Variants in SIMC1 observed in about 807,000 individuals in gnomAD.
SIMC1 encodes the protein SUMO-interacting motif-containing protein 1.
Under a neutral mutation model 82.3 loss-of-function variants are expected in SIMC1, and 55 were observed. The ratio of observed to expected loss-of-function variants is 0.67; its 90% CI spans 0.54 to 0.84. The LOEUF (loss-of-function observed/expected upper bound fraction) is 0.84, where lower values mean the gene tolerates loss of function less well. Among genes scored for constraint, SIMC1 ranks in the 40% least tolerant of loss-of-function variants. The pLI, the probability that SIMC1 is intolerant of heterozygous loss-of-function variation, is 0.00. For synonymous variants in SIMC1, 353 were observed against 426.3 expected, an observed-to-expected ratio of 0.83 and a Z score of 2.12; for missense variants, 915 against 1,107.2, an observed-to-expected ratio of 0.83 and a Z score of 2.46.
chr5:176,277,893 G>A (rs1762789338), intron 1 of SIMC1, among the ~76,000 whole-genome samples: 2 of 151,092 alleles, frequency 1.3e-5, no homozygotes, highest in South Asian at 4.2e-4. Flanking sequence ...GATGCCTCCA[G>A]CTTTGTTCTT....
At chr5:176,344,468 TACACACACACACAC>T (rs57991528) in intron 9 of SIMC1, among the ~76,000 whole-genome samples, 52 of 146,646 alleles carry the variant, frequency 3.5e-4, no homozygotes, top group African/African-American at 9.7e-4. Context: ...GTCAGGAGTA[TACACACACACACAC>T]ACACACACAC....
chr5:176,242,609 G>A (rs1761311184), intron 1 of SIMC1, among the ~76,000 whole-genome samples: 1 of 151,786 alleles, frequency 6.6e-6, no homozygotes, highest in Non-Finnish European at 1.5e-5. Context: ...CTTGTAAGTG[G>A]ACCCATGCAG....
intron 9 of SIMC1, among the ~76,000 whole-genome samples, chr5:176,342,128 A>C (rs1766176730): frequency 6.6e-6 from 1 of 152,130 alleles, no homozygotes; most frequent in South Asian, 2.1e-4. Context: ...TATTCAGTCA[A>C]CTTTTTTTCC....
chr5:176,298,893 T>C (rs1273774361), intron 4 of SIMC1, among the ~76,000 whole-genome samples: 1 of 151,868 alleles, frequency 6.6e-6, no homozygotes, highest in Non-Finnish European at 1.5e-5. Context: ...AGGAAGGCAG[T>C]AACAAAGGAA....
chr5:176,322,933 T>C (rs965534484), intron 6 of SIMC1: 2 of 152,426 alleles, frequency 1.3e-5, no homozygotes, highest in African/African-American at 4.8e-5. Context: ...TCATGGCATT[T>C]CTTTTATGGA....
rs371838151 is a variant in SIMC1, at chr5:176,250,635, C to G, written c.129+11998C>G. Reference sequence around the variant, plus strand: ...GTCTGTAAGAACTTGCTTTATGAATCGGGATGCTCCTGTATTGGGTGCATA... The same window carrying G: ...GTCTGTAAGAACTTGCTTTATGAATGGGGATGCTCCTGTATTGGGTGCATA... On this transcript the variant is annotated intron_variant, in intron 1 of 9. Coordinates refer to ENST00000429602, the MANE Select transcript of SIMC1 (RefSeq NM_001308195.2). 6.6e-5 allele frequency among the ~76,000 whole-genome samples: 10 copies of G among 152,250 alleles called. No homozygotes were observed. In the South Asian group the frequency reaches 2.1e-3, roughly 32 times the overall value.
chr5:176,274,351 T>G (rs1310335134), intron 1 of SIMC1, among the ~76,000 whole-genome samples: 3 of 150,650 alleles, frequency 2.0e-5, no homozygotes, highest in African/African-American at 2.4e-5. Context: ...TTGATGGGGT[T>G]GTTTGTTTTT....
chr5:176,323,582 A>G lies in SIMC1; in HGVS notation c.2043-1047A>G, dbSNP rs116271794. Among the ~76,000 whole-genome samples, 562 of 152,330 alleles carry G rather than the reference A, an allele frequency of 3.7e-3. 3 individuals are homozygous for G. The highest frequency in any genetic ancestry group is 0.013 in the African/African-American group (534 of 41,584). ...GCAGTTTAGTAACTTGTCGAAGGTT[A>G]AACAGCTTATCATTGTAGAGACAGA... On this transcript the variant is annotated intron_variant, in intron 6 of 9. Transcript: ENST00000429602.
At chr5:176,271,970 A>G (rs1381199463) in intron 1 of SIMC1, among the ~76,000 whole-genome samples, 6 of 144,946 alleles carry the variant, frequency 4.1e-5, no homozygotes, top group African/African-American at 1.5e-4. Flanking sequence ...TATATAATGT[A>G]TATATTATAT....
At chr5:176,269,721 C>A (rs563426227) in intron 1 of SIMC1, among the ~76,000 whole-genome samples, 1 of 152,114 alleles carries the variant, frequency 6.6e-6, no homozygotes, top group Non-Finnish European at 1.5e-5. Flanking sequence ...TAGAAAATTA[C>A]AAATAAAAAT....
chr5:176,242,889 A>G (rs2560209), intron 1 of SIMC1, among the ~76,000 whole-genome samples: 2,159 of 151,934 alleles, frequency 0.014, 24 homozygotes, highest in Non-Finnish European at 0.019. Context: ...ATAGTAAACA[A>G]CACTATAAAT....
chr5:176,312,479 T>G (rs1258040769), intron 4 of SIMC1, among the ~76,000 whole-genome samples: 1 of 131,686 alleles, frequency 7.6e-6, no homozygotes, highest in Non-Finnish European at 1.5e-5. Context: ...GAGGTTACAG[T>G]GAGCCAAGAT....
chr5:176,269,926 AT>A (rs1175916569), intron 1 of SIMC1, among the ~76,000 whole-genome samples: 50 of 145,658 alleles, frequency 3.4e-4, no homozygotes, highest in Admixed American at 2.8e-4. Context: ...ATTTTATTTT[AT>A]TTTTTTTTTT....
intron 1 of SIMC1, among the ~76,000 whole-genome samples, chr5:176,246,587 G>A (rs1295560015): frequency 5.3e-5 from 8 of 151,880 alleles, no homozygotes; most frequent in African/African-American, 1.9e-4. Context: ...ACAGGCAAGC[G>A]CCACCATGCC....
intron 4 of SIMC1, among the ~76,000 whole-genome samples, chr5:176,303,030 T>C (rs939422471): frequency 5.3e-5 from 8 of 151,934 alleles, no homozygotes; most frequent in Non-Finnish European, 4.4e-5. Flanking sequence ...CAGCATTTCT[T>C]TTTTTTTGTA....
chr5:176,324,160 C>T (rs964051462), intron 6 of SIMC1, among the ~76,000 whole-genome samples: 33 of 151,876 alleles, frequency 2.2e-4, no homozygotes, highest in African/African-American at 7.3e-4. Context: ...GTTCTGAGAC[C>T]GAACTTAGTA....
chr5:176,336,604 A>T, intron 7 of SIMC1, 116 bp from the exon 8 acceptor site: 2 of 1,370,616 alleles, frequency 1.5e-6, no homozygotes, highest in East Asian at 4.6e-5. Flanking sequence ...CTTCCATGGT[A>T]TTCCTTCTTA....
At chr5:176,291,782 A>C (rs1455295310) in intron 2 of SIMC1, among the ~76,000 whole-genome samples, 1 of 152,200 alleles carries the variant, frequency 6.6e-6, no homozygotes, top group African/African-American at 2.4e-5. Flanking sequence ...CCAGCAGGGC[A>C]CTTTACCTTT....
At chr5:176,305,965 C>G (rs1764349616) in intron 4 of SIMC1, among the ~76,000 whole-genome samples, 1 of 78,306 alleles carries the variant, frequency 1.3e-5, no homozygotes, top group Non-Finnish European at 2.8e-5. Context: ...GGCCAGCCGC[C>G]CCATCCGGGA....
Sources: allele counts gnomAD v4.1 joint callset (sites outside exome capture counted in the v4.1 genomes callset), GRCh38; gene constraint gnomAD v4.1.1; transcripts MANE v1.5; gene names NCBI Gene and HGNC (gene_info 2026-07-23, HGNC 2026-07-21).